The following TSHR variants were observed in gnomAD, a reference collection of about 807,000 sequenced individuals.
The protein encoded by TSHR is thyrotropin receptor.
Under a neutral mutation model 64.1 loss-of-function variants are expected in TSHR, and 51 were observed. The observed-to-expected ratio is 0.80, with a 90% CI of 0.64 to 1.01. The LOEUF (loss-of-function observed/expected upper bound fraction) is 1.01, where lower values mean the gene tolerates loss of function less well. Ranked by LOEUF, TSHR falls within the 50% of genes least tolerant of loss-of-function variation. TSHR has a pLI of 0.00. For synonymous variants in TSHR, 361 were observed against 361.9 expected (o/e 1.00, Z 0.03); for missense variants, 877 against 942.8 (o/e 0.93, Z 0.91).
intron 8 of TSHR, among the ~76,000 whole-genome samples, chr14:81,125,364 A>C (rs1890976755): frequency 6.6e-6 from 1 of 152,192 alleles, no homozygotes; most frequent in Admixed American, 6.5e-5. Flanking sequence ...TGTTGTGTTG[A>C]AATCATATTA....
intron 1 of TSHR, chr14:81,053,181 C>T (rs943951620): frequency 5.9e-5 from 9 of 152,080 alleles, no homozygotes; most frequent in African/African-American, 2.2e-4. Flanking sequence ...TAGTCCAAGT[C>T]TGAAAGCAAA....
At chr14:81,129,478 C>T (rs1446636967) in intron 8 of TSHR, among the ~76,000 whole-genome samples, 1 of 152,220 alleles carries the variant, frequency 6.6e-6, no homozygotes, top group Non-Finnish European at 1.5e-5. Flanking sequence ...CAGGCCTGGG[C>T]TTTTGCAGCT....
At position 81,122,857 on chromosome 14, in the gene TSHR, GC is replaced by G. The variant is rs372799225; in HGVS notation, c.692+14406del. Reference sequence around the variant, plus strand: ...AATAAAAATTAGGCTGGGCGTGGTGGCTCAGGCCTGTAATCCCAGCACTTTG... The same window carrying G: ...AATAAAAATTAGGCTGGGCGTGGTGGTCAGGCCTGTAATCCCAGCACTTTG... On this transcript the variant is annotated intron_variant, in intron 8 of 9. Coordinates refer to ENST00000298171, the MANE Select transcript of TSHR (RefSeq NM_000369.5). Among the ~76,000 whole-genome samples the G allele has an allele frequency of 4.7e-3, 722 of 152,286 alleles. 5 individuals are homozygous for G. Among genetic ancestry groups the G allele is most frequent in the Non-Finnish European group, 7.6e-3 (518 of 68,024 alleles).
chr14:81,031,948 C>T (rs1251904610), intron 1 of TSHR, among the ~76,000 whole-genome samples: 5 of 152,218 alleles, frequency 3.3e-5, no homozygotes, highest in Non-Finnish European at 7.3e-5. Context: ...GCAATTCTTC[C>T]ACCAGATGCA....
intron 7 of TSHR, among the ~76,000 whole-genome samples, chr14:81,102,191 A>C (rs1225378812): frequency 1.3e-5 from 2 of 151,828 alleles, no homozygotes; most frequent in Non-Finnish European, 2.9e-5. Context: ...AAAAAAAAAA[A>C]ACTAAACAAT....
chr14:80,994,413 A>C (rs1481396789), intron 1 of TSHR: 1 of 152,118 alleles, frequency 6.6e-6, no homozygotes, highest in South Asian at 2.1e-4. Context: ...GAAGAGACCA[A>C]ATAGCCAAGG....
Position 81,091,186 on chromosome 14 carries a change from C to A in TSHR, c.467+43C>A. ...CCATGTTTGACAATATTTTGTTTGT[C>A]ACTGACAAGAACTAGAATACAGTCA... On this transcript the variant is annotated intron_variant, in intron 5 of 9. Coordinates refer to ENST00000298171, the MANE Select transcript of TSHR (RefSeq NM_000369.5). 3 of 1,538,400 alleles carry A rather than the reference C, an allele frequency of 2.0e-6. No individual in the cohort carries two copies. The South Asian group carries it at 3.3e-5, about 17-fold the overall frequency.
chr14:81,108,230 G>A (rs903922746), intron 7 of TSHR, 145 bp from the exon 8 acceptor site: 4 of 723,810 alleles, frequency 5.5e-6, no homozygotes, highest in Non-Finnish European at 7.1e-6. Flanking sequence ...AAGTGCTCAA[G>A]CCAGAAGAAG....
At chr14:81,036,987 A>G (rs1313742663) in intron 1 of TSHR, among the ~76,000 whole-genome samples, 2 of 152,008 alleles carry the variant, frequency 1.3e-5, no homozygotes, top group African/African-American at 4.8e-5. Flanking sequence ...TACTAAAAAT[A>G]CAAAAATTAG....
chr14:80,989,489 C>T (rs532841347), intron 1 of TSHR, among the ~76,000 whole-genome samples: 18 of 152,288 alleles, frequency 1.2e-4, no homozygotes, highest in African/African-American at 3.1e-4. Context: ...CACAACCAAA[C>T]TGAACTATTC....
At position 80,955,851 on chromosome 14, in the gene TSHR, G is replaced by C; in HGVS notation, c.170+1G>C. The C allele has an allele frequency of 6.2e-7, 1 of 1,614,182 alleles. No individual in the cohort carries two copies. Among genetic ancestry groups the C allele is most frequent in the Non-Finnish European group, 8.5e-7 (1 of 1,180,028 alleles). Reference sequence around the variant, plus strand: ...GCTTACCGCCCAGTACGCAGACTCTGTGAGTACCCGGGAGAGATCAGGGTA... The same window carrying C: ...GCTTACCGCCCAGTACGCAGACTCTCTGAGTACCCGGGAGAGATCAGGGTA... On this transcript the variant is annotated splice_donor_variant, in intron 1 of 9. Coordinates refer to ENST00000298171, the MANE Select transcript of TSHR (RefSeq NM_000369.5). LOFTEE classifies it high-confidence loss of function.
intron 8 of TSHR, among the ~76,000 whole-genome samples, chr14:81,109,685 G>A (rs981797013): frequency 6.6e-6 from 1 of 152,142 alleles, no homozygotes. Flanking sequence ...CTTTAACAAT[G>A]TTATTTCACT....
chr14:81,105,675 A>C (rs955881786), intron 7 of TSHR, among the ~76,000 whole-genome samples: 3 of 152,236 alleles, frequency 2.0e-5, no homozygotes, highest in African/African-American at 7.2e-5. Flanking sequence ...ATATCAGATG[A>C]AAACACTGCA....
chr14:81,085,238 C>A (rs1888204130), intron 3 of TSHR, among the ~76,000 whole-genome samples: 2 of 152,066 alleles, frequency 1.3e-5, no homozygotes, highest in African/African-American at 4.8e-5. Context: ...CTCGGCCTCC[C>A]AAAGTGCTTA....
At chr14:80,986,471 TTTTTTTGTTTG>T (rs971975728) in intron 1 of TSHR, among the ~76,000 whole-genome samples, 1 of 150,168 alleles carries the variant, frequency 6.7e-6, no homozygotes, top group Non-Finnish European at 1.5e-5. Context: ...CTGTCATTCT[TTTTTTTGTTTG>T]TTTTTTGTTT....
chr14:81,040,500 C>G (rs534344321), intron 1 of TSHR, among the ~76,000 whole-genome samples: 1 of 151,852 alleles, frequency 6.6e-6, no homozygotes, highest in Non-Finnish European at 1.5e-5. Flanking sequence ...ACAGCAAAGT[C>G]AACAATTAAC....
intron 8 of TSHR, among the ~76,000 whole-genome samples, chr14:81,112,034 A>C (rs762655034): frequency 2.0e-5 from 3 of 151,750 alleles, no homozygotes; most frequent in Non-Finnish European, 4.4e-5. Context: ...AGACTCTCCC[A>C]CCAAGTTAAG....
At chr14:80,968,612 A>T (rs1887434614) in intron 1 of TSHR, among the ~76,000 whole-genome samples, 2 of 152,182 alleles carry the variant, frequency 1.3e-5, no homozygotes, top group Non-Finnish European at 2.9e-5. Flanking sequence ...TGATTGCCTG[A>T]TGGAAAGACC....
chr14:81,062,526 T>C (rs2139894348), intron 2 of TSHR, among the ~76,000 whole-genome samples: 1 of 152,270 alleles, frequency 6.6e-6, no homozygotes, highest in Non-Finnish European at 1.5e-5. Context: ...ATCTCTCCTA[T>C]AAACATCCCG....
Sources: allele counts gnomAD v4.1 joint callset (sites outside exome capture counted in the v4.1 genomes callset), GRCh38; gene constraint gnomAD v4.1.1; transcripts MANE v1.5; gene names NCBI Gene and HGNC (gene_info 2026-07-23, HGNC 2026-07-21).